The following SEC14L5 variants were observed in gnomAD, a reference collection of about 807,000 sequenced individuals.
SEC14L5 encodes SEC14-like protein 5.
A neutral mutation model predicts 84.6 loss-of-function variants in SEC14L5; 96 were observed. The ratio of observed to expected loss-of-function variants is 1.13; its 90% CI spans 0.96 to 1.34. The LOEUF (loss-of-function observed/expected upper bound fraction) is 1.34. SEC14L5 is among the 40% of genes most tolerant of loss of function. The pLI is 0.00. For synonymous variants in SEC14L5, 546 were observed against 383.4 expected, an observed-to-expected ratio of 1.42 and a Z score of -4.95; for missense variants, 1,224 against 942.5, an observed-to-expected ratio of 1.30 and a Z score of -3.91.
chr16:4,993,028 CTAAT>C (rs983864127), intron 6 of SEC14L5, among the ~76,000 whole-genome samples: 50 of 145,264 alleles, frequency 3.4e-4, no homozygotes, highest in African/African-American at 1.0e-3. Flanking sequence ...TGCACCATAA[CTAAT>C]TTATTAATAA....
chr16:4,995,668 C>A (rs1479591145), intron 6 of SEC14L5, among the ~76,000 whole-genome samples: 2 of 149,762 alleles, frequency 1.3e-5, no homozygotes, highest in African/African-American at 4.9e-5. Flanking sequence ...ACTCTGTTGC[C>A]CAGGCTGGAG....
chr16:5,005,804 C>T lies in SEC14L5; in HGVS notation c.1303-110C>T, dbSNP rs888450800. The T allele has an allele frequency of 9.3e-6, 10 of 1,071,498 alleles. No individual in the cohort carries two copies. The Admixed American group carries it at 1.2e-4, about 13-fold the overall frequency. 66.4% of individuals were successfully genotyped at this position (1,071,498 alleles called of 1,614,324 possible). A position where few individuals can be genotyped will look rare whatever the true frequency, so the allele number is the denominator to read the frequency against. On this transcript the variant is annotated intron_variant, in intron 11 of 15. Transcript: ENST00000251170. ...GCGTGAACCCGGGAGGTGGAGCTTGCAGTGAGCCAAGATCATGCCACTGCA... is the reference window on the plus strand; with the variant it reads ...GCGTGAACCCGGGAGGTGGAGCTTGTAGTGAGCCAAGATCATGCCACTGCA...
Position 5,009,257 on chromosome 16 carries a change from C to T in SEC14L5, c.1800+609C>T, listed in dbSNP as rs112878273. 2.6e-3 allele frequency among the ~76,000 whole-genome samples: 391 copies of T among 152,220 alleles called. 4 individuals are homozygous for T. In the East Asian group the frequency reaches 0.035, roughly 14 times the overall value. ...TCTCTCTTCTGAGTCTCAAATCTCC[C>T]TCCCCTCTCTCCTGTAAGGACACTA... On this transcript the variant is annotated intron_variant, in intron 14 of 15. Coordinates refer to ENST00000251170, the MANE Select transcript of SEC14L5 (RefSeq NM_014692.2).
At chr16:4,966,128 G>A (rs1955197418) in intron 2 of SEC14L5, among the ~76,000 whole-genome samples, 1 of 152,068 alleles carries the variant, frequency 6.6e-6, no homozygotes, top group Non-Finnish European at 1.5e-5. Flanking sequence ...ACCATGCCTG[G>A]CTAATTTTTT....
chr16:4,984,476 C>T lies in SEC14L5; in HGVS notation c.64-3081C>T, dbSNP rs372803000. On this transcript the variant is annotated intron_variant, in intron 2 of 15. Transcript: ENST00000251170. ...TGGGTTATTTCCACTTTGCCTATTA[C>T]GAATAATGTTGCTATAAATATTTGT... Among the ~76,000 whole-genome samples, 343 of 152,294 alleles carry T rather than the reference C, an allele frequency of 2.3e-3. 2 individuals are homozygous for T. Among genetic ancestry groups the T allele is most frequent in the African/African-American group, 6.9e-3 (287 of 41,568 alleles).
rs377043936 is a variant in SEC14L5, at chr16:4,997,078, T to C, written c.970+34T>C. On this transcript the variant is annotated intron_variant, in intron 8 of 15. Coordinates refer to ENST00000251170, the MANE Select transcript of SEC14L5 (RefSeq NM_014692.2). ...CTCCACCCACATCATGTATAGGGCA[T>C]ACTTTGGTCACTGCCAAATGCACTT... The C allele has an allele frequency of 2.6e-5, 39 of 1,506,166 alleles. No individual in the cohort carries two copies. The African/African-American group carries it at 5.1e-4, about 20-fold the overall frequency. The allele number at this position is 1,506,166 out of a possible 1,614,324, so 93.3% of individuals were successfully genotyped here.
chr16:5,003,468 G>C lies in SEC14L5; in HGVS notation c.1197G>C (p.Lys399Asn), dbSNP rs771132351. ...NMRHLWRPGV[K>N]ALLRMIEVVE... is the part of the protein sequence containing the mutation. ...GGCACCTGTGGCGGCCGGGGGTGAA[G>C]GCCCTGCTGCGGATGATTGAGGTGG... Residue 399 changes from lysine (K) to asparagine (N), a missense_variant, in exon 11 of 16, where the codon AAG becomes AAC. Physicochemically the swap from Lys to Asn is moderately conservative, Grantham distance 94. Transcript: ENST00000251170. The C allele has an allele frequency of 6.2e-7, 1 of 1,613,322 alleles. No homozygotes were observed. Among genetic ancestry groups the C allele is most frequent in the South Asian group, 1.1e-5 (1 of 91,080 alleles).
At chr16:4,964,458 T>C (rs1955168679) in intron 2 of SEC14L5, among the ~76,000 whole-genome samples, 1 of 151,988 alleles carries the variant, frequency 6.6e-6, no homozygotes, top group Non-Finnish European at 1.5e-5. Flanking sequence ...TGGTGGTGCA[T>C]GCTTGTAATC....
intron 2 of SEC14L5, 23 bp downstream of exon 2, chr16:4,959,409 G>A (rs759962991): frequency 8.7e-6 from 14 of 1,608,820 alleles, no homozygotes; most frequent in East Asian, 2.2e-5. Context: ...TGATTCTTGG[G>A]CCCCCATGTG....
chr16:4,997,972 T>C (rs1955629542), intron 8 of SEC14L5, among the ~76,000 whole-genome samples: 1 of 150,958 alleles, frequency 6.6e-6, no homozygotes, highest in South Asian at 2.1e-4. Context: ...CCTTAACTAA[T>C]TAACTAATTA....
chr16:4,975,495 CATT>C (rs1412126829), intron 2 of SEC14L5, among the ~76,000 whole-genome samples: 4 of 117,300 alleles, frequency 3.4e-5, no homozygotes, highest in African/African-American at 1.3e-4. Flanking sequence ...AAAAAAAAGA[CATT>C]ATTTTGTTCC....
rs1290005777 is a variant in SEC14L5 at position 5,008,560 on chromosome 16, G to C, written c.1712G>C (p.Gly571Ala). Residue 571 changes from glycine to alanine, a missense_variant, in exon 14 of 16, where the codon GGG becomes GCG. Transcript: ENST00000251170. ...GAREPGTRAS[G>A]QLIDKGWVLG... ...CGGGAACCGGGGACCAGGGCCAGCG[G>C]GCAGCTGATCGACAAAGGCTGGGTC... 1 of 1,608,728 alleles carries C rather than the reference G, an allele frequency of 6.2e-7. No individual in the cohort carries two copies. The highest frequency in any genetic ancestry group is 2.2e-5 in the East Asian group (1 of 44,792).
chr16:5,012,231 C>G (rs962606774), intron 15 of SEC14L5, among the ~76,000 whole-genome samples: 1 of 152,084 alleles, frequency 6.6e-6, no homozygotes, highest in Non-Finnish European at 1.5e-5. Flanking sequence ...TGTGAGGCGA[C>G]AGGCTGAGGC....
intron 6 of SEC14L5, 77 bp downstream of exon 6, chr16:4,992,107 A>T: frequency 1.9e-6 from 2 of 1,072,784 alleles, no homozygotes; most frequent in Non-Finnish European, 1.3e-6. Flanking sequence ...GCCCTGGGGC[A>T]TGTTGGGGAG....
In SEC14L5 at chr16:4,990,720, G is replaced by A. The variant is rs145756657; in HGVS notation, c.346-47G>A. ...TGGGAGAGCCCTAGGGGAGGGCAGG[G>A]TGCCCCCGACATTGAGTCCCTGGCA... On this transcript the variant is annotated intron_variant, in intron 4 of 15. Coordinates refer to ENST00000251170, the MANE Select transcript of SEC14L5 (RefSeq NM_014692.2). The A allele has an allele frequency of 8.0e-5, 125 of 1,558,216 alleles. 1 individual carries two copies. In the East Asian group the frequency reaches 2.9e-3, roughly 36 times the overall value.
Position 4,998,733 on chromosome 16 carries a change from G to A in SEC14L5, c.970+1689G>A, listed in dbSNP as rs1465584858. On this transcript the variant is annotated intron_variant, in intron 8 of 15. Transcript: ENST00000251170. Reference sequence around the variant, plus strand: ...AGCCTGGGCGACAGAGCGAGACTCCGTCTCAAAAAAAAAAAAAAAAAAAAA... The same window carrying A: ...AGCCTGGGCGACAGAGCGAGACTCCATCTCAAAAAAAAAAAAAAAAAAAAA... 1.9e-4 allele frequency among the ~76,000 whole-genome samples: 13 copies of A among 68,346 alleles called. No individual in the cohort carries two copies. In the East Asian group the frequency reaches 4.5e-3, roughly 23 times the overall value. The allele number at this position is 68,346 out of a possible 152,430, so 44.8% of individuals were successfully genotyped here. A position where few individuals can be genotyped will look rare whatever the true frequency, so the allele number is the denominator to read the frequency against.
intron 2 of SEC14L5, among the ~76,000 whole-genome samples, chr16:4,982,926 A>G (rs1335151615): frequency 2.0e-5 from 3 of 152,112 alleles, no homozygotes; most frequent in African/African-American, 7.2e-5. Context: ...ATTTACATGA[A>G]CATATACAAA....
At chr16:4,977,499 G>A (rs1185781344) in intron 2 of SEC14L5, among the ~76,000 whole-genome samples, 1 of 96,702 alleles carries the variant, frequency 1.0e-5, no homozygotes, top group African/African-American at 4.0e-5. Flanking sequence ...AAAGAAACCT[G>A]CAGAGTTAAA....
intron 2 of SEC14L5, among the ~76,000 whole-genome samples, chr16:4,974,162 A>G (rs1047151802): frequency 6.6e-6 from 1 of 152,096 alleles, no homozygotes; most frequent in African/African-American, 2.4e-5. Context: ...TGGAATAGGT[A>G]TTGGTGATGG....
Sources: allele counts gnomAD v4.1 joint callset (sites outside exome capture counted in the v4.1 genomes callset), GRCh38; gene constraint gnomAD v4.1.1; transcripts MANE v1.5; gene names NCBI Gene and HGNC (gene_info 2026-07-23, HGNC 2026-07-21).